Variants in TBC1D9B observed in about 807,000 individuals in gnomAD.
TBC1D9B encodes the protein TBC1 domain family, member 9B (with GRAM domain).
TBC1D9B carries 87 observed loss-of-function variants against 121.1 expected under a neutral mutation model. The ratio of observed to expected loss-of-function variants is 0.72; its 90% CI spans 0.60 to 0.86. The LOEUF (loss-of-function observed/expected upper bound fraction) is 0.86, where lower values mean the gene tolerates loss of function less well. TBC1D9B is among the 40% of genes least tolerant of loss of function. The pLI, the probability that TBC1D9B is intolerant of heterozygous loss-of-function variation, is 0.00. For synonymous variants in TBC1D9B, 668 were observed against 670.1 expected, an observed-to-expected ratio of 1.00 and a Z score of 0.05; for missense variants, 1,540 against 1,628.6, an observed-to-expected ratio of 0.95 and a Z score of 0.94.
At chr5:179,899,034 C>T (rs914551688) in intron 3 of TBC1D9B, among the ~76,000 whole-genome samples, 155 bp downstream of exon 3, 2 of 152,176 alleles carry the variant, frequency 1.3e-5, no homozygotes, top group African/African-American at 4.8e-5. Context: ...AGTTCCTCTG[C>T]CCCTTTCAAC....
chr5:179,881,168 T>C (rs1760532164), intron 7 of TBC1D9B, among the ~76,000 whole-genome samples: 1 of 152,184 alleles, frequency 6.6e-6, no homozygotes, highest in Non-Finnish European at 1.5e-5. Context: ...GGCAGAAGCT[T>C]GGCTCAAGTC....
Position 179,886,523 on chromosome 5 carries a change from C to T in TBC1D9B, c.1254+1580G>A, listed in dbSNP as rs148964143. 3.8e-3 allele frequency among the ~76,000 whole-genome samples: 577 copies of T among 152,310 alleles called. 3 individuals carry two copies. Among genetic ancestry groups the T allele is most frequent in the Non-Finnish European group, 5.2e-3 (351 of 68,032 alleles). Reference sequence around the variant, plus strand: ...ATCCCAGATGAAGCCCAACCTTCTCCACACCTTTCTTCATGTCTGCAATCC... The same window carrying T: ...ATCCCAGATGAAGCCCAACCTTCTCTACACCTTTCTTCATGTCTGCAATCC... On this transcript the variant is annotated intron_variant, in intron 7 of 20. Transcript: ENST00000355235.
Position 179,879,761 on chromosome 5 carries a change from T to A in TBC1D9B, c.1283A>T (p.Glu428Val). 2 of 1,613,626 alleles carry A rather than the reference T, an allele frequency of 1.2e-6. No individual in the cohort carries two copies. The highest frequency in any genetic ancestry group is 8.5e-7 in the Non-Finnish European group (1 of 1,179,822). The change falls in exon 8 of 21, where the codon GAG becomes GTG. Residue 428 changes from glutamate to valine, a missense_variant. By Grantham distance (121) the Glu-to-Val change is moderately radical. Coordinates refer to ENST00000355235, the MANE Select transcript of TBC1D9B (RefSeq NM_015043.4). ...ESSPAPQEGSEQPASPASPLS... is the reference protein window; with the variant it reads ...ESSPAPQEGSVQPASPASPLS... ...GGGAGAGGCTGGGCTGGCGGGCTGCTCCGACCCCTCCTGAGGAGCTGGGGA... is the reference window on the plus strand; with the variant it reads ...GGGAGAGGCTGGGCTGGCGGGCTGCACCGACCCCTCCTGAGGAGCTGGGGA...
At position 179,902,367 on chromosome 5, in the gene TBC1D9B, A is replaced by C. The variant is rs1761188150; in HGVS notation, c.229+2335T>G. ...GACAAGGCCAGAAATGGAGGCAGGC[A>C]GACCCCCAGGTGTCCTCGAACACCA... is the stretch of plus-strand genomic sequence containing the variant. On this transcript the variant is annotated intron_variant, in intron 2 of 20. Transcript: ENST00000355235. The surrounding 1 kb of genome is among the most constrained non-coding windows in gnomAD (Gnocchi z 4.9). Among the ~76,000 whole-genome samples the C allele has an allele frequency of 6.6e-6, 1 of 152,200 alleles. No homozygotes were observed. The highest frequency in any genetic ancestry group is 1.5e-5 in the Non-Finnish European group (1 of 68,036).
In TBC1D9B at chr5:179,863,247, C is replaced by G. The variant is rs990954153; in HGVS notation, c.*201G>C. 5 of 617,006 alleles carry G rather than the reference C, an allele frequency of 8.1e-6. No individual in the cohort carries two copies. The highest frequency in any genetic ancestry group is 1.4e-5 in the Non-Finnish European group (5 of 366,092). 38.2% of individuals were successfully genotyped at this position (617,006 alleles called of 1,614,324 possible). On this transcript the variant is annotated 3_prime_UTR_variant, in exon 21 of 21. Transcript: ENST00000355235. The surrounding 1 kb of genome is among the most constrained non-coding windows in gnomAD (Gnocchi z 4.5). ...GCCTCTTCCTGGGCCCAGAAGCAGC[C>G]GGCGCCAGGAGATGCAGGCCCAGGG...
intron 4 of TBC1D9B, among the ~76,000 whole-genome samples, 183 bp downstream of exon 4, chr5:179,894,203 A>G (rs1451482863): frequency 2.0e-5 from 3 of 152,156 alleles, no homozygotes; most frequent in Non-Finnish European, 4.4e-5. Flanking sequence ...GGCATGGTAA[A>G]AGTCGGCTGG....
At chr5:179,906,845 T>G (rs965120517) in intron 1 of TBC1D9B, among the ~76,000 whole-genome samples, 1 of 152,224 alleles carries the variant, frequency 6.6e-6, no homozygotes, top group Admixed American at 6.5e-5. Context: ...CTGGCAACAC[T>G]GGGACCGCAA....
intron 5 of TBC1D9B, among the ~76,000 whole-genome samples, chr5:179,892,426 A>G (rs1760892504): frequency 6.6e-6 from 1 of 152,238 alleles, no homozygotes; most frequent in Non-Finnish European, 1.5e-5. Context: ...AGGTCGCTCA[A>G]CACAAGGGTG....
At chr5:179,867,749 G>A in intron 18 of TBC1D9B, 29 bp downstream of exon 18, 2 of 1,599,024 alleles carry the variant, frequency 1.3e-6, no homozygotes, top group East Asian at 4.5e-5. Context: ...TGCTGGCTGG[G>A]CATGTCGGGT....
Position 179,865,130 on chromosome 5 carries a change from C to T in TBC1D9B, c.3021+124G>A, listed in dbSNP as rs1759969543. ...GACTGGCAACCAGGACTAACGGGCTCTAGAGGCAGGGAGGAGCCTTCCCAC... is the reference window on the plus strand; with the variant it reads ...GACTGGCAACCAGGACTAACGGGCTTTAGAGGCAGGGAGGAGCCTTCCCAC... On this transcript the variant is annotated intron_variant, in intron 20 of 20. Transcript: ENST00000355235. This position sits in a 1 kb window ranked among gnomAD's most constrained non-coding sequence, Gnocchi z 5.1. The T allele has an allele frequency of 6.7e-6, 6 of 890,050 alleles. No homozygotes were observed. Among genetic ancestry groups the T allele is most frequent in the Non-Finnish European group, 7.2e-6 (4 of 554,024 alleles). The allele number at this position is 890,050 out of a possible 1,614,324, so 55.1% of individuals were successfully genotyped here. A position where few individuals can be genotyped will look rare whatever the true frequency, so the allele number is the denominator to read the frequency against.
intron 18 of TBC1D9B, chr5:179,867,430 C>T: frequency 6.4e-7 from 1 of 1,551,732 alleles, no homozygotes; most frequent in Admixed American, 2.0e-5. Context: ...GCGCCCCTGC[C>T]TTCCAGGGAC....
At chr5:179,892,365 G>A (rs1760891214) in intron 5 of TBC1D9B, among the ~76,000 whole-genome samples, 1 of 152,240 alleles carries the variant, frequency 6.6e-6, no homozygotes, top group African/African-American at 2.4e-5. Flanking sequence ...CAGAGTTTGG[G>A]CCTGGACCAC....
intron 7 of TBC1D9B, among the ~76,000 whole-genome samples, chr5:179,882,920 T>C (rs1760581136): frequency 6.6e-6 from 1 of 152,192 alleles, no homozygotes; most frequent in Non-Finnish European, 1.5e-5. Flanking sequence ...CTCAGGATCG[T>C]GGCCCATTGC....
At chr5:179,889,093 G>A (rs1272009766) in intron 6 of TBC1D9B, among the ~76,000 whole-genome samples, 4 of 151,724 alleles carry the variant, frequency 2.6e-5, no homozygotes, top group African/African-American at 7.3e-5. Flanking sequence ...GCAGTGGTGC[G>A]ATCTCAGCTC....
chr5:179,873,223 G>A lies in TBC1D9B; in HGVS notation c.2212C>T (p.Gln738Ter), dbSNP rs1760256857. ...GRYLDNVVNK[Q>*]SVSPPIPHLR... is the part of the protein sequence containing the mutation. ...TGCGGGATAGGAGGAGAGACACTCT[G>A]CTTGTTGACCACATTATCCAGGTAT... Residue 738 changes from glutamine to a stop codon, truncating the protein, a stop_gained, in exon 13 of 21, where the codon CAG (glutamine) becomes TAG (stop). Transcript: ENST00000355235. LOFTEE classifies it high-confidence loss of function. 2 of 1,611,938 alleles carry A rather than the reference G, an allele frequency of 1.2e-6. No homozygotes were observed. Among genetic ancestry groups the A allele is most frequent in the Non-Finnish European group, 1.7e-6 (2 of 1,179,092 alleles).
Position 179,863,341 on chromosome 5 carries a change from C to T in TBC1D9B, c.*107G>A. The T allele has an allele frequency of 7.7e-7, 1 of 1,295,636 alleles. No individual in the cohort carries two copies. The highest frequency in any genetic ancestry group is 1.1e-6 in the Non-Finnish European group (1 of 944,016). The allele number at this position is 1,295,636 out of a possible 1,614,324, so 80.3% of individuals were successfully genotyped here. A position where few individuals can be genotyped will look rare whatever the true frequency, so the allele number is the denominator to read the frequency against. ...TCACAACTCACTGCTCCTGGGAGAG[C>T]AGGAGGGGCACACCTTTAAAGAGAA... On this transcript the variant is annotated 3_prime_UTR_variant, in exon 21 of 21. Coordinates refer to ENST00000355235, the MANE Select transcript of TBC1D9B (RefSeq NM_015043.4). The surrounding 1 kb of genome is among the most constrained non-coding windows in gnomAD (Gnocchi z 4.5).
Position 179,874,872 on chromosome 5 carries a change from C to A in TBC1D9B, c.2186+30G>T. On this transcript the variant is annotated intron_variant, in intron 12 of 20. Transcript: ENST00000355235. The surrounding 1 kb of genome is among the most constrained non-coding windows in gnomAD (Gnocchi z 4.3). ...CTGGTGAGGGGTTCTGCTGTGAGCC[C>A]CCAGCAGGAGAAGGAACCCGGCATG... is the stretch of plus-strand genomic sequence containing the variant. 2 of 1,606,634 alleles carry A rather than the reference C, an allele frequency of 1.2e-6. No individual in the cohort carries two copies. Among genetic ancestry groups the A allele is most frequent in the East Asian group, 4.5e-5 (2 of 44,828 alleles).
Position 179,862,097 on chromosome 5 carries a change from ATTAG to A in TBC1D9B, c.*1347_*1350del, listed in dbSNP as rs1259863130. On this transcript the variant is annotated 3_prime_UTR_variant, in exon 21 of 21. Coordinates refer to ENST00000355235, the MANE Select transcript of TBC1D9B (RefSeq NM_015043.4). The stretch of plus-strand genomic sequence containing the variant: ...TACAGTATAACCGTTACATTTTATT[ATTAG>A]TTATTGTTGTCAATCTCTTAAGGTG... The A allele has an allele frequency of 6.1e-6, 1 of 163,380 alleles. No individual in the cohort carries two copies. The highest frequency in any genetic ancestry group is 2.4e-5 in the African/African-American group (1 of 42,080). 10.1% of individuals were successfully genotyped at this position (163,380 alleles called of 1,614,324 possible).
At chr5:179,898,254 C>T (rs1761071568) in intron 3 of TBC1D9B, among the ~76,000 whole-genome samples, 1 of 151,396 alleles carries the variant, frequency 6.6e-6, no homozygotes, top group South Asian at 2.1e-4. Context: ...CGGGTTTATG[C>T]CATTCTCCTG....
Sources: gnomAD v4.1 joint callset for allele counts (sites outside exome capture counted in the v4.1 genomes callset) on GRCh38, gnomAD v4.1.1 for gene constraint, Gnocchi (gnomAD v3.1) non-coding constraint, MANE v1.5 for transcripts, NCBI Gene and HGNC (gene_info 2026-07-23, HGNC 2026-07-21) for gene names.